The following GPR132 variants were observed in gnomAD, a reference collection of about 807,000 sequenced individuals.
The protein encoded by GPR132 is G protein-coupled receptor 132, also known as probable G protein-coupled receptor 132.
A neutral mutation model predicts 1.9 loss-of-function variants in GPR132; 4 were observed. The observed-to-expected ratio is 2.13, with a 90% CI of 1.05 to 4.87. The LOEUF (loss-of-function observed/expected upper bound fraction) is 4.87, where lower values mean the gene tolerates loss of function less well. Ranked by LOEUF, GPR132 falls within the 30% of genes most tolerant of loss-of-function variation. The probability of loss-of-function intolerance (pLI) is 0.01; values close to 1 mark genes in which losing one functional copy is unlikely to be tolerated. For synonymous variants in GPR132, 233 were observed against 234.2 expected, an observed-to-expected ratio of 0.99 and a Z score of 0.05; for missense variants, 404 against 512.5, an observed-to-expected ratio of 0.79 and a Z score of 2.04.
chr14:105,055,452 G>A lies in GPR132; in HGVS notation c.-32C>T, dbSNP rs368361241. 21 of 779,970 alleles carry A rather than the reference G, an allele frequency of 2.7e-5. No homozygotes were observed. The African/African-American group carries it at 2.7e-4, about 10-fold the overall frequency. The allele number at this position is 779,970 out of a possible 1,614,324, so 48.3% of individuals were successfully genotyped here. A position where few individuals can be genotyped will look rare whatever the true frequency, so the allele number is the denominator to read the frequency against. The stretch of plus-strand genomic sequence containing the variant: ...TCTTCTGCAACCATCGCCAGCATCC[G>A]TCGGCAGAACCTTCTCATCTTCCCA... On this transcript the variant is annotated 5_prime_UTR_variant, in exon 3 of 4. It adds an upstream start codon to the 5' untranslated region. Transcript: ENST00000329797. This position sits in a 1 kb window ranked among gnomAD's most constrained non-coding sequence, Gnocchi z 4.7.
In GPR132 at chr14:105,059,995, G is replaced by T. The variant is rs1886898624; in HGVS notation, c.-860-2715C>A. ...TCCAAAGTGATGCCCCCTTGGCGGT[G>T]GGTGGTGTGGGCCGGAGGGGTTCCT... On this transcript the variant is annotated intron_variant, in intron 1 of 3. Transcript: ENST00000329797. The surrounding 1 kb of genome is among the most constrained non-coding windows in gnomAD (Gnocchi z 4.2). Among the ~76,000 whole-genome samples the T allele has an allele frequency of 6.6e-6, 1 of 152,254 alleles. No homozygotes were observed. Among genetic ancestry groups the T allele is most frequent in the Non-Finnish European group, 1.5e-5 (1 of 68,048 alleles).
Position 105,060,845 on chromosome 14 carries a change from A to G in GPR132, c.-860-3565T>C, listed in dbSNP as rs1290189700. On this transcript the variant is annotated intron_variant, in intron 1 of 3. Coordinates refer to ENST00000329797, the MANE Select transcript of GPR132 (RefSeq NM_013345.4). This position sits in a 1 kb window ranked among gnomAD's most constrained non-coding sequence, Gnocchi z 6.3. The stretch of plus-strand genomic sequence containing the variant: ...GCTGCAAGCACTTCTGCAAAACCAA[A>G]GGAAGTGGCAGCTGCAGTGGAAATG... Among the ~76,000 whole-genome samples the G allele has an allele frequency of 6.6e-6, 1 of 152,240 alleles. No homozygotes were observed. Among genetic ancestry groups the G allele is most frequent in the Admixed American group, 6.5e-5 (1 of 15,284 alleles).
At chr14:105,061,637 C>T (rs1382115730) in intron 1 of GPR132, among the ~76,000 whole-genome samples, 1 of 152,062 alleles carries the variant, frequency 6.6e-6, no homozygotes, top group Non-Finnish European at 1.5e-5. Context: ...CAGTGGGGCC[C>T]GGGCCCTCTC....
intron 1 of GPR132, among the ~76,000 whole-genome samples, chr14:105,064,945 A>G (rs1887045898): frequency 6.6e-6 from 1 of 151,448 alleles, no homozygotes; most frequent in Non-Finnish European, 1.5e-5. Context: ...GTGTAACCCC[A>G]CAAGCAGCAC....
intron 1 of GPR132, 105 bp from the exon 2 acceptor site, chr14:105,057,385 C>T (rs1352894999): frequency 1.7e-5 from 9 of 534,778 alleles, no homozygotes; most frequent in Admixed American, 3.6e-5. Context: ...CTAAGTGGCC[C>T]GTTGATTCGT....
In GPR132 at chr14:105,055,306, G is replaced by A. The variant is rs535931739; in HGVS notation, c.34+81C>T. On this transcript the variant is annotated intron_variant, in intron 3 of 3. Transcript: ENST00000329797. This position sits in a 1 kb window ranked among gnomAD's most constrained non-coding sequence, Gnocchi z 4.7. ...TGTGCCACTGCACTCCAGCCTGGGC[G>A]ATAGAGTGAGACTCAATCGCAAGAA... 55 of 778,034 alleles carry A rather than the reference G, an allele frequency of 7.1e-5. No individual in the cohort carries two copies. The highest frequency in any genetic ancestry group is 1.1e-4 in the Non-Finnish European group (44 of 415,940). The allele number at this position is 778,034 out of a possible 1,614,324, so 48.2% of individuals were successfully genotyped here.
chr14:105,050,994 TCAG>T lies in GPR132; in HGVS notation c.1140_1142del (p.Cys380del), dbSNP rs1370360519. The T allele has an allele frequency of 6.2e-7, 1 of 1,607,512 alleles. No individual in the cohort carries two copies. The highest frequency in any genetic ancestry group is 1.3e-5 in the African/African-American group (1 of 74,802). On this transcript the variant is annotated inframe_deletion, in exon 4 of 4. Transcript: ENST00000329797. This position sits in a 1 kb window ranked among gnomAD's most constrained non-coding sequence, Gnocchi z 4.0. Reference sequence around the variant, plus strand: ...GCCATCCCCCTGCCACACAGTGGGCTCAGCAGGACTCCTCAATCAGCCTCTTTG... The same window carrying T: ...GCCATCCCCCTGCCACACAGTGGGCTCAGGACTCCTCAATCAGCCTCTTTG...
At position 105,052,042 on chromosome 14, in the gene GPR132, G is replaced by A. The variant is rs533704822; in HGVS notation, c.95C>T (p.Thr32Ile). 2 of 1,606,066 alleles carry A rather than the reference G, an allele frequency of 1.2e-6. No individual in the cohort carries two copies. The highest frequency in any genetic ancestry group is 2.2e-5 in the East Asian group (1 of 44,794). The change falls in exon 4 of 4, where the codon ACC (threonine) becomes ATC (isoleucine). Residue 32 changes from threonine to isoleucine, a missense_variant. Coordinates refer to ENST00000329797, the MANE Select transcript of GPR132 (RefSeq NM_013345.4). ...PWASLGLSAKTCNNVSFEESR... is the reference protein window; with the variant it reads ...PWASLGLSAKICNNVSFEESR... ...CTCTTCGAAGGACACGTTGTTGCAG[G>A]TCTTGGCGGAGAGGCCCAGGGAGGC...
At chr14:105,063,991 C>T (rs893085141) in intron 1 of GPR132, among the ~76,000 whole-genome samples, 1 of 152,108 alleles carries the variant, frequency 6.6e-6, no homozygotes, top group African/African-American at 2.4e-5. Flanking sequence ...AGGCGTGTGC[C>T]ACCACGCCCG....
Position 105,056,047 on chromosome 14 carries a change from A to T in GPR132, c.-627T>A, listed in dbSNP as rs144780495. The T allele has an allele frequency of 9.1e-4, 652 of 713,440 alleles. 2 individuals are homozygous for T. The African/African-American group carries it at 0.011, about 12-fold the overall frequency. The allele number at this position is 713,440 out of a possible 1,614,324, so 44.2% of individuals were successfully genotyped here. A position where few individuals can be genotyped will look rare whatever the true frequency, so the allele number is the denominator to read the frequency against. On this transcript the variant is annotated 5_prime_UTR_variant, in exon 3 of 4. Coordinates refer to ENST00000329797, the MANE Select transcript of GPR132 (RefSeq NM_013345.4). The surrounding 1 kb of genome is among the most constrained non-coding windows in gnomAD (Gnocchi z 6.0). ...GTGGGGTGCCTCCGCGCTGTTCTCC[A>T]CGGTGGTGGCGCTGGCCCACCTTCC...
chr14:105,050,880 G>A lies in GPR132; in HGVS notation c.*114C>T. ...GAGTGGCTTCAGGAACGAGAAATTG[G>A]TAGTTTGTCTTCCAGAGGGGACATG... is the stretch of plus-strand genomic sequence containing the variant. On this transcript the variant is annotated 3_prime_UTR_variant, in exon 4 of 4. Transcript: ENST00000329797. The surrounding 1 kb of genome is among the most constrained non-coding windows in gnomAD (Gnocchi z 4.0). 1.0e-6 allele frequency: 1 copy of A among 953,112 alleles called. No individual in the cohort carries two copies. Among genetic ancestry groups the A allele is most frequent in the Non-Finnish European group, 1.6e-6 (1 of 640,810 alleles). 59.0% of individuals were successfully genotyped at this position (953,112 alleles called of 1,614,324 possible).
At chr14:105,064,753 G>T (rs1276735406) in intron 1 of GPR132, among the ~76,000 whole-genome samples, 1 of 152,166 alleles carries the variant, frequency 6.6e-6, no homozygotes, top group Non-Finnish European at 1.5e-5. Flanking sequence ...CCAGTCCCTT[G>T]CAGTGGTACA....
At chr14:105,054,242 G>GGC in intron 3 of GPR132, 1 of 1,173,348 alleles carries the variant, frequency 8.5e-7, no homozygotes, top group Non-Finnish European at 1.1e-6. Context: ...GCTGTGCCCT[G>GGC]GCGCGAGGTC....
At chr14:105,061,172 C>G (rs1426467619) in intron 1 of GPR132, among the ~76,000 whole-genome samples, 1 of 152,270 alleles carries the variant, frequency 6.6e-6, no homozygotes, top group Non-Finnish European at 1.5e-5. Context: ...CTGGGACGTC[C>G]CGACTCCCTC....
At chr14:105,057,718 G>A (rs545165033) in intron 1 of GPR132, among the ~76,000 whole-genome samples, 11 of 131,202 alleles carry the variant, frequency 8.4e-5, no homozygotes, top group East Asian at 6.6e-4. Flanking sequence ...AGACAGAGTC[G>A]CACTCTGTTG....
chr14:105,054,096 C>T, intron 3 of GPR132: 1 of 1,288,392 alleles, frequency 7.8e-7, no homozygotes, highest in Non-Finnish European at 1.0e-6. Flanking sequence ...TCTGGGCCTT[C>T]TGTGGTTACA....
At position 105,065,006 on chromosome 14, in the gene GPR132, G is replaced by T. The variant is rs377425405; in HGVS notation, c.-861+373C>A. On this transcript the variant is annotated intron_variant, in intron 1 of 3. Coordinates refer to ENST00000329797, the MANE Select transcript of GPR132 (RefSeq NM_013345.4). ...CTTCAGTGCCCCCCGACCAATCACG[G>T]AAGCAAGTGGCCAAGGAGAGATTCC... Among the ~76,000 whole-genome samples, 329 of 152,164 alleles carry T rather than the reference G, an allele frequency of 2.2e-3. 1 individual carries two copies. Among genetic ancestry groups the T allele is most frequent in the African/African-American group, 7.7e-3 (321 of 41,510 alleles).
chr14:105,052,396 C>T (rs543105592), intron 3 of GPR132, among the ~76,000 whole-genome samples: 4 of 152,182 alleles, frequency 2.6e-5, no homozygotes, highest in African/African-American at 9.6e-5. Flanking sequence ...GGCACAACCT[C>T]GGCTCACTGC....
Position 105,050,665 on chromosome 14 carries a change from C to A in GPR132, c.*329G>T, listed in dbSNP as rs1229462987. The A allele has an allele frequency of 4.7e-6, 2 of 423,708 alleles. No homozygotes were observed. The highest frequency in any genetic ancestry group is 8.6e-6 in the Non-Finnish European group (2 of 231,698). The allele number at this position is 423,708 out of a possible 1,614,324, so 26.2% of individuals were successfully genotyped here. Reference sequence around the variant, plus strand: ...GCCACTGATGCGAACAGGGCAGCCACCAGGTACCTCTGCCAGCAGGCGTGC... The same window carrying A: ...GCCACTGATGCGAACAGGGCAGCCAACAGGTACCTCTGCCAGCAGGCGTGC... On this transcript the variant is annotated 3_prime_UTR_variant, in exon 4 of 4. Transcript: ENST00000329797. The surrounding 1 kb of genome is among the most constrained non-coding windows in gnomAD (Gnocchi z 4.0).
Sources: gnomAD v4.1 joint callset for allele counts (sites outside exome capture counted in the v4.1 genomes callset) on GRCh38, gnomAD v4.1.1 for gene constraint, Gnocchi (gnomAD v3.1) non-coding constraint, MANE v1.5 for transcripts, NCBI Gene and HGNC (gene_info 2026-07-23, HGNC 2026-07-21) for gene names.